PRIM2: variants seen among roughly 807,000 people sequenced by gnomAD.
PRIM2 encodes the protein DNA primase large subunit.
A neutral mutation model predicts 67.3 loss-of-function variants in PRIM2; 39 were observed. The ratio of observed to expected loss-of-function variants is 0.58; its 90% CI spans 0.45 to 0.76. The LOEUF is 0.76. Ranked by LOEUF, PRIM2 falls within the 30% of genes least tolerant of loss-of-function variation. The pLI is 0.00. For missense variants in PRIM2, 398 were observed against 598.7 expected (o/e 0.66, Z 3.50); for synonymous variants, 143 against 198.7 (o/e 0.72, Z 2.36).
chr6:57,388,474 A>C (rs954963824), intron 7 of PRIM2, among the ~76,000 whole-genome samples: 1 of 152,174 alleles, frequency 6.6e-6, no homozygotes, highest in Non-Finnish European at 1.5e-5. Flanking sequence ...TGATGATGAG[A>C]GCTTAAGCAT....
intron 10 of PRIM2, among the ~76,000 whole-genome samples, chr6:57,578,878 G>C (rs1207191035): frequency 1.3e-5 from 2 of 151,124 alleles, no homozygotes; most frequent in African/African-American, 4.9e-5. Flanking sequence ...GGGTTTCACC[G>C]TGTTAGCCAG....
chr6:57,341,122 G>A (rs6459193), intron 5 of PRIM2, among the ~76,000 whole-genome samples: 90,901 of 151,952 alleles, frequency 0.6, 27,278 homozygotes, highest in South Asian at 0.7. Context: ...ATTAATATCC[G>A]TATGTATACA....
Position 57,487,482 on chromosome 6 carries a change from G to A in PRIM2, c.694-19905G>A, listed in dbSNP as rs1213530132. ...TGCCTCAAGTGATCCTCCCACCTTG[G>A]CTTCCCAAAGTGCTGGGATTACAGG... On this transcript the variant is annotated intron_variant, in intron 7 of 13. Transcript: ENST00000615550. 4.6e-5 allele frequency among the ~76,000 whole-genome samples: 7 copies of A among 152,140 alleles called. No individual in the cohort carries two copies. In the South Asian group the frequency reaches 1.0e-3, roughly 22 times the overall value.
chr6:57,426,021 TAA>T (rs1771612760), intron 7 of PRIM2, among the ~76,000 whole-genome samples: 1 of 152,176 alleles, frequency 6.6e-6, no homozygotes, highest in Admixed American at 6.5e-5. Context: ...TCTTTTCACA[TAA>T]AGATATATTT....
intron 10 of PRIM2, among the ~76,000 whole-genome samples, chr6:57,570,444 T>C (rs1775841779): frequency 6.6e-6 from 1 of 152,254 alleles, no homozygotes; most frequent in Admixed American, 6.5e-5. Flanking sequence ...CTATTCACTG[T>C]CAGTAATAAT....
At chr6:57,555,908 G>A (rs1455375808) in intron 10 of PRIM2, among the ~76,000 whole-genome samples, 2 of 151,714 alleles carry the variant, frequency 1.3e-5, no homozygotes, top group Admixed American at 6.6e-5. Context: ...GAAAAAGTCC[G>A]TGATTCTCAT....
At chr6:57,254,986 C>G in the PRIM2 span, among the ~76,000 whole-genome samples, 4 of 152,166 alleles carry the variant, frequency 2.6e-5, no homozygotes, top group Non-Finnish European at 4.4e-5. Flanking sequence ...GCGATATTTT[C>G]CAGGCCTTTT....
intron 10 of PRIM2, among the ~76,000 whole-genome samples, chr6:57,561,621 C>T (rs1775632367): frequency 6.6e-6 from 1 of 152,222 alleles, no homozygotes; most frequent in Non-Finnish European, 1.5e-5. Flanking sequence ...CTGGATTAGG[C>T]TTTCACTTAG....
chr6:57,317,176 AAAG>A (rs577070547), upstream of PRIM2, among the ~76,000 whole-genome samples: 696 of 152,338 alleles, frequency 4.6e-3, 9 homozygotes, highest in Middle Eastern at 0.017. Context: ...AGCGGAAAAA[AAAG>A]AGCCCCTAAT....
the PRIM2 span, among the ~76,000 whole-genome samples, chr6:57,283,428 T>A: frequency 2.0e-5 from 3 of 152,198 alleles, no homozygotes; most frequent in African/African-American, 7.2e-5. Context: ...CAGTTACAGT[T>A]TAAAATATTA....
intron 7 of PRIM2, among the ~76,000 whole-genome samples, chr6:57,469,263 G>C (rs1773280583): frequency 6.6e-6 from 1 of 152,218 alleles, no homozygotes; most frequent in Non-Finnish European, 1.5e-5. Context: ...TGGCAGATTA[G>C]CTTTCAGTCT....
intron 7 of PRIM2, among the ~76,000 whole-genome samples, chr6:57,482,451 T>A (rs1422987313): frequency 2.6e-5 from 4 of 152,148 alleles, no homozygotes; most frequent in African/African-American, 9.7e-5. Flanking sequence ...GTCAGCACAG[T>A]GACATCCTAT....
intron 7 of PRIM2, among the ~76,000 whole-genome samples, chr6:57,437,677 T>G (rs67538064): frequency 4.8e-4 from 73 of 151,450 alleles, no homozygotes; most frequent in Non-Finnish European, 9.3e-4. Flanking sequence ...TTTTTTTTTT[T>G]TTTTTTAAGA....
At chr6:57,571,770 C>G (rs2127481697) in intron 10 of PRIM2, among the ~76,000 whole-genome samples, 1 of 152,342 alleles carries the variant, frequency 6.6e-6, no homozygotes, top group South Asian at 2.1e-4. Flanking sequence ...AGGGTTCCAG[C>G]AAATTTGGCA....
At chr6:57,353,354 T>G (rs1368155286) in intron 5 of PRIM2, among the ~76,000 whole-genome samples, 4 of 152,160 alleles carry the variant, frequency 2.6e-5, no homozygotes, top group Non-Finnish European at 5.9e-5. Flanking sequence ...TGTTCAGGGA[T>G]GTAATAGGAT....
intron 7 of PRIM2, among the ~76,000 whole-genome samples, chr6:57,490,586 G>A (rs1230536149): frequency 5.9e-5 from 9 of 152,154 alleles, no homozygotes; most frequent in African/African-American, 2.2e-4. Flanking sequence ...GACAATAGTA[G>A]CAGTGTTAAC....
chr6:57,299,696 G>C, the PRIM2 span, among the ~76,000 whole-genome samples: 1 of 152,168 alleles, frequency 6.6e-6, no homozygotes, highest in Non-Finnish European at 1.5e-5. Flanking sequence ...AGACAGATGA[G>C]CCAGCATATT....
intron 13 of PRIM2, among the ~76,000 whole-genome samples, chr6:57,642,702 A>T (rs1777266177): frequency 1.3e-5 from 2 of 152,044 alleles, no homozygotes; most frequent in Admixed American, 1.3e-4. Context: ...CGGCCTCCCA[A>T]AGTGCTGGGA....
chr6:57,241,392 G>A, the PRIM2 span, among the ~76,000 whole-genome samples: 3 of 151,910 alleles, frequency 2.0e-5, no homozygotes, highest in African/African-American at 7.3e-5. Context: ...CTGGATGACA[G>A]AGTGAGACCC....
Sources: allele counts gnomAD v4.1 joint callset (sites outside exome capture counted in the v4.1 genomes callset), GRCh38; gene constraint gnomAD v4.1.1; transcripts MANE v1.5; gene names NCBI Gene and HGNC (gene_info 2026-07-23, HGNC 2026-07-21).